BLK: variants seen among roughly 807,000 people sequenced by gnomAD.
BLK encodes BLK proto-oncogene, Src family tyrosine kinase.
In BLK, 64 loss-of-function variants were observed where a neutral mutation model predicts 61.8. That is an observed-to-expected ratio of 1.03 (90% CI 0.85 to 1.27). The LOEUF (loss-of-function observed/expected upper bound fraction) is 1.27. BLK is among the 50% of genes most tolerant of loss of function. The pLI is 0.00. For synonymous variants in BLK, 351 were observed against 272.0 expected (o/e 1.29, Z -2.86); for missense variants, 853 against 660.5 (o/e 1.29, Z -3.19).
At chr8:11,496,077 A>G (rs117704274) in intron 1 of BLK, among the ~76,000 whole-genome samples, 1,979 of 152,350 alleles carry the variant, frequency 0.013, 23 homozygotes, top group Non-Finnish European at 0.021. Context: ...ATTCTGGAAT[A>G]TAGCAGGCCT....
chr8:11,536,687 T>G (rs1800146630), intron 1 of BLK, among the ~76,000 whole-genome samples: 1 of 152,218 alleles, frequency 6.6e-6, no homozygotes, highest in East Asian at 1.9e-4. Flanking sequence ...ATTACAGGCA[T>G]GAACCACTGT....
At chr8:11,498,826 C>G (rs1333011350) in intron 1 of BLK, among the ~76,000 whole-genome samples, 1 of 152,162 alleles carries the variant, frequency 6.6e-6, no homozygotes, top group Non-Finnish European at 1.5e-5. Flanking sequence ...AATTACAAAG[C>G]CCTAATTTTT....
intron 1 of BLK, among the ~76,000 whole-genome samples, chr8:11,536,428 T>C (rs1800135979): frequency 6.6e-6 from 1 of 152,184 alleles, no homozygotes; most frequent in African/African-American, 2.4e-5. Context: ...TCTCACTCTG[T>C]CAACTAGGCT....
chr8:11,494,715 G>C (rs1444398448), intron 1 of BLK, 124 bp downstream of exon 1: 1 of 152,256 alleles, frequency 6.6e-6, no homozygotes, highest in Non-Finnish European at 1.5e-5. Flanking sequence ...CGGAGGAAGA[G>C]GCATGAATGG....
chr8:11,556,965 G>GGT, intron 9 of BLK, 128 bp downstream of exon 9: 1 of 891,320 alleles, frequency 1.1e-6, no homozygotes. Context: ...ATGGCACGGT[G>GGT]TGGGGACAGG....
rs182344018 is a variant in BLK, at chr8:11,561,463, C to T, written c.1180+11C>T. ...ACACGGCCCAAGAGGGTAAGCACAGCCCCTAACCACAAGGGAAACCTAGGG... is the reference window on the plus strand; with the variant it reads ...ACACGGCCCAAGAGGGTAAGCACAGTCCCTAACCACAAGGGAAACCTAGGG... On this transcript the variant is annotated intron_variant, in intron 11 of 12. Transcript: ENST00000259089. The T allele has an allele frequency of 3.8e-5, 61 of 1,613,224 alleles. No homozygotes were observed. In the Admixed American group the frequency reaches 9.8e-4, roughly 26 times the overall value.
intron 1 of BLK, among the ~76,000 whole-genome samples, chr8:11,502,800 C>A (rs577407061): frequency 2.9e-4 from 44 of 152,222 alleles, no homozygotes; most frequent in African/African-American, 1.1e-3. Flanking sequence ...GCCTCCTGGG[C>A]TCTCCTGAGT....
intron 3 of BLK, among the ~76,000 whole-genome samples, 170 bp downstream of exon 3, chr8:11,546,273 A>C (rs1291769894): frequency 1.3e-5 from 2 of 152,204 alleles, no homozygotes; most frequent in East Asian, 3.8e-4. Flanking sequence ...CTCTTCAGGA[A>C]CCAAGAACAA....
chr8:11,561,165 A>G, intron 10 of BLK, 137 bp from the exon 11 acceptor site: 1 of 1,263,378 alleles, frequency 7.9e-7, no homozygotes, highest in South Asian at 1.3e-5. Flanking sequence ...GAGGAGCAAC[A>G]CAGTCACCTT....
chr8:11,554,992 T>C (rs541780265), intron 7 of BLK, 103 bp downstream of exon 7: 5 of 1,506,590 alleles, frequency 3.3e-6, no homozygotes, highest in East Asian at 4.8e-5. Context: ...CCTTGGGGGA[T>C]GGAAAGATTA....
intron 11 of BLK, 39 bp from the exon 12 acceptor site, chr8:11,562,940 G>A (rs773406711): frequency 3.0e-5 from 48 of 1,612,958 alleles, no homozygotes; most frequent in South Asian, 2.9e-4. Context: ...AGGGGCCACC[G>A]GCCGTGGCCT....
At chr8:11,525,291 T>C (rs1400082408) in intron 1 of BLK, among the ~76,000 whole-genome samples, 1 of 152,232 alleles carries the variant, frequency 6.6e-6, no homozygotes, top group Admixed American at 6.5e-5. Context: ...ACCCAAATCC[T>C]TCAGAGGTAC....
At chr8:11,559,509 TCA>T (rs780102390) in intron 10 of BLK, among the ~76,000 whole-genome samples, 16 of 59,822 alleles carry the variant, frequency 2.7e-4, no homozygotes, top group African/African-American at 7.5e-4. Flanking sequence ...ACTCACAAAC[TCA>T]CACACACAAA....
chr8:11,525,367 G>C (rs1377535533), intron 1 of BLK, among the ~76,000 whole-genome samples: 1 of 152,184 alleles, frequency 6.6e-6, no homozygotes, highest in Non-Finnish European at 1.5e-5. Flanking sequence ...CTCACTGTTA[G>C]TAGTTTGATT....
At chr8:11,508,393 A>G (rs1178567859) in intron 1 of BLK, among the ~76,000 whole-genome samples, 1 of 152,206 alleles carries the variant, frequency 6.6e-6, no homozygotes, top group Non-Finnish European at 1.5e-5. Flanking sequence ...TGGGATCCAG[A>G]ACAGCTTTCC....
At chr8:11,518,471 G>C (rs933350278) in intron 1 of BLK, among the ~76,000 whole-genome samples, 1 of 152,146 alleles carries the variant, frequency 6.6e-6, no homozygotes, top group Admixed American at 6.5e-5. Context: ...GGATTGAGGG[G>C]TGTCTCTCTC....
At chr8:11,538,749 A>T (rs1800241486) in intron 1 of BLK, among the ~76,000 whole-genome samples, 1 of 152,264 alleles carries the variant, frequency 6.6e-6, no homozygotes, top group East Asian at 1.9e-4. Context: ...CCCTTCGTTG[A>T]GTCAGGGAGG....
chr8:11,546,035 T>C lies in BLK; in HGVS notation c.124-17T>C. The C allele has an allele frequency of 6.2e-7, 1 of 1,613,858 alleles. No individual in the cohort carries two copies. Among genetic ancestry groups the C allele is most frequent in the Non-Finnish European group, 8.5e-7 (1 of 1,179,760 alleles). ...AGCAGGGACTGAAATAACTCAAGTG[T>C]GTGTTTTCTACCCAAGGTTGTCTTC... is the stretch of plus-strand genomic sequence containing the variant. On this transcript the variant is annotated splice_polypyrimidine_tract_variant and intron_variant, in intron 2 of 12. Coordinates refer to ENST00000259089, the MANE Select transcript of BLK (RefSeq NM_001715.3).
rs151045602 is a variant in BLK, at chr8:11,543,234, G to T, written c.10G>T (p.Val4Leu). ...GTGTGTCTCCGACAGGATGGGGCTG[G>T]TAAGTAGCAAAAAGCCGGACAAGGA... MGL[V>L]SSKKPDKEKP... The change falls in exon 2 of 13, where the codon GTA becomes TTA. Residue 4 changes from valine to leucine, a missense_variant. Coordinates refer to ENST00000259089, the MANE Select transcript of BLK (RefSeq NM_001715.3). 12 of 1,613,778 alleles carry T rather than the reference G, an allele frequency of 7.4e-6. No individual in the cohort carries two copies. Among genetic ancestry groups the T allele is most frequent in the South Asian group, 1.1e-5 (1 of 91,066 alleles).
Sources: gnomAD v4.1 joint callset for allele counts (sites outside exome capture counted in the v4.1 genomes callset) on GRCh38, gnomAD v4.1.1 for gene constraint, MANE v1.5 for transcripts, NCBI Gene and HGNC (gene_info 2026-07-23, HGNC 2026-07-21) for gene names.